XXYLT1: variants seen among roughly 807,000 people sequenced by gnomAD.
XXYLT1 encodes xyloside xylosyltransferase 1.
Under a neutral mutation model 28.9 loss-of-function variants are expected in XXYLT1, and 20 were observed. The observed-to-expected ratio is 0.69, with a 90% CI of 0.49 to 1.00. The LOEUF is 1.00. Among genes scored for constraint, XXYLT1 ranks in the 50% least tolerant of loss-of-function variants. The probability of loss-of-function intolerance (pLI) is 0.00; values close to 1 mark genes in which losing one functional copy is unlikely to be tolerated. For synonymous variants in XXYLT1, 257 were observed against 253.8 expected, an observed-to-expected ratio of 1.01 and a Z score of -0.12; for missense variants, 542 against 560.1, an observed-to-expected ratio of 0.97 and a Z score of 0.33.
At chr3:195,163,508 T>A (rs1197970181) in intron 2 of XXYLT1, among the ~76,000 whole-genome samples, 1 of 152,230 alleles carries the variant, frequency 6.6e-6, no homozygotes, top group South Asian at 2.1e-4. Context: ...CACATGGCAA[T>A]GACAATGATA....
At chr3:195,208,780 G>A (rs1194888529) in intron 2 of XXYLT1, among the ~76,000 whole-genome samples, 1 of 152,104 alleles carries the variant, frequency 6.6e-6, no homozygotes, top group African/African-American at 2.4e-5. Context: ...TCTCACGGGG[G>A]AGCGAGGTGA....
chr3:195,139,252 G>C (rs1719357797), intron 3 of XXYLT1, among the ~76,000 whole-genome samples: 1 of 152,206 alleles, frequency 6.6e-6, no homozygotes, highest in Admixed American at 6.5e-5. Flanking sequence ...CTTGGCTGCA[G>C]AGCTTGGAGC....
chr3:195,120,049 C>T (rs1199066947), intron 3 of XXYLT1, among the ~76,000 whole-genome samples: 4 of 152,208 alleles, frequency 2.6e-5, no homozygotes, highest in Non-Finnish European at 4.4e-5. Flanking sequence ...GATCAGATTC[C>T]ACTCAAAACT....
At chr3:195,224,813 C>G (rs895000567) in intron 2 of XXYLT1, among the ~76,000 whole-genome samples, 1 of 152,222 alleles carries the variant, frequency 6.6e-6, no homozygotes, top group Non-Finnish European at 1.5e-5. Flanking sequence ...ACTGCCGCAG[C>G]CCCTCATTTC....
At chr3:195,141,027 G>A (rs1719460856) in intron 3 of XXYLT1, among the ~76,000 whole-genome samples, 1 of 152,148 alleles carries the variant, frequency 6.6e-6, no homozygotes, top group Non-Finnish European at 1.5e-5. Flanking sequence ...CATCATAAGA[G>A]GATACAAGAC....
At chr3:195,143,857 TATATATAGATATAGATA>T (rs1719671180) in intron 3 of XXYLT1, among the ~76,000 whole-genome samples, 2 of 97,032 alleles carry the variant, frequency 2.1e-5, no homozygotes, top group Admixed American at 1.1e-4. Flanking sequence ...TATATATAGA[TATATATAGATATAGATA>T]TATATATATA....
At chr3:195,184,693 A>G in intron 2 of XXYLT1, 1 of 985,360 alleles carries the variant, frequency 1.0e-6, no homozygotes, top group East Asian at 1.1e-4. Context: ...TCCCCACCCC[A>G]CACACAGCCG....
rs1715244650 is a variant in XXYLT1 at position 195,078,384 on chromosome 3, G to A, written c.786-8273C>T. Reference sequence around the variant, plus strand: ...GCCCGTAGCGAGTCAGGCCATGGGGGCCTTTTCTGCTGTGGGAGCTCCTGC... The same window carrying A: ...GCCCGTAGCGAGTCAGGCCATGGGGACCTTTTCTGCTGTGGGAGCTCCTGC... On this transcript the variant is annotated intron_variant, in intron 3 of 3. Coordinates refer to ENST00000310380, the MANE Select transcript of XXYLT1 (RefSeq NM_152531.5). This position sits in a 1 kb window ranked among gnomAD's most constrained non-coding sequence, Gnocchi z 5.0. 6.6e-6 allele frequency among the ~76,000 whole-genome samples: 1 copy of A among 152,090 alleles called. No homozygotes were observed. The highest frequency in any genetic ancestry group is 1.9e-4 in the East Asian group (1 of 5,168).
At chr3:195,109,197 A>G (rs1309763521) in intron 3 of XXYLT1, among the ~76,000 whole-genome samples, 1 of 152,160 alleles carries the variant, frequency 6.6e-6, no homozygotes, top group Non-Finnish European at 1.5e-5. Context: ...CAGGAGCATC[A>G]TTTTATGAAG....
chr3:195,140,671 A>G (rs902351314), intron 3 of XXYLT1, among the ~76,000 whole-genome samples: 3 of 151,750 alleles, frequency 2.0e-5, no homozygotes, highest in Non-Finnish European at 2.9e-5. Context: ...GAGTGAGAAC[A>G]AAAGAGAGAG....
chr3:195,141,076 C>A (rs180833366), intron 3 of XXYLT1, among the ~76,000 whole-genome samples: 1 of 152,198 alleles, frequency 6.6e-6, no homozygotes, highest in Non-Finnish European at 1.5e-5. Context: ...TCACCACATA[C>A]CTGATCTGCC....
intron 3 of XXYLT1, among the ~76,000 whole-genome samples, chr3:195,088,336 C>A (rs1192435530): frequency 1.3e-5 from 2 of 149,084 alleles, no homozygotes; most frequent in African/African-American, 2.4e-5. Context: ...AGCTGGAGAT[C>A]TGAGAACGGG....
intron 2 of XXYLT1, chr3:195,175,989 A>T: frequency 5.5e-6 from 6 of 1,089,476 alleles, no homozygotes; most frequent in Non-Finnish European, 7.2e-6. Context: ...AGAGGTCATC[A>T]GTGTATACGT....
chr3:195,184,770 G>A, intron 2 of XXYLT1: 1 of 985,356 alleles, frequency 1.0e-6, no homozygotes, highest in Non-Finnish European at 1.2e-6. Flanking sequence ...AGGGAACTTA[G>A]CATTCTGAAA....
Position 195,240,438 on chromosome 3 carries a change from C to T in XXYLT1, c.505-13582G>A, listed in dbSNP as rs950719912. Reference sequence around the variant, plus strand: ...ACTCCCTGGGGACATAAACTCAGGCCAAGCCTTTAGCTCCATTTGGTGGAG... The same window carrying T: ...ACTCCCTGGGGACATAAACTCAGGCTAAGCCTTTAGCTCCATTTGGTGGAG... On this transcript the variant is annotated intron_variant, in intron 1 of 3. Coordinates refer to ENST00000310380, the MANE Select transcript of XXYLT1 (RefSeq NM_152531.5). This position sits in a 1 kb window ranked among gnomAD's most constrained non-coding sequence, Gnocchi z 4.7. Among the ~76,000 whole-genome samples, 1 of 152,254 alleles carries T rather than the reference C, an allele frequency of 6.6e-6. No homozygotes were observed. Among genetic ancestry groups the T allele is most frequent in the Admixed American group, 6.5e-5 (1 of 15,288 alleles).
At chr3:195,223,140 G>A (rs193008630) in intron 2 of XXYLT1, among the ~76,000 whole-genome samples, 37 of 152,222 alleles carry the variant, frequency 2.4e-4, no homozygotes, top group African/African-American at 8.7e-4. Context: ...GGCTGAGGCA[G>A]GAGAATTGCT....
At chr3:195,171,279 G>A (rs1721391526) in intron 2 of XXYLT1, among the ~76,000 whole-genome samples, 1 of 152,212 alleles carries the variant, frequency 6.6e-6, no homozygotes, top group Non-Finnish European at 1.5e-5. Flanking sequence ...CCCACAGGAG[G>A]GCAGGTTCTG....
chr3:195,220,174 C>T (rs1418566003), intron 2 of XXYLT1, among the ~76,000 whole-genome samples: 3 of 152,146 alleles, frequency 2.0e-5, no homozygotes, highest in African/African-American at 4.8e-5. Context: ...CACTCTATTA[C>T]ACTGTTACCC....
intron 1 of XXYLT1, among the ~76,000 whole-genome samples, chr3:195,236,869 A>AG (rs905845835): frequency 6.6e-6 from 1 of 152,070 alleles, no homozygotes; most frequent in Non-Finnish European, 1.5e-5. Flanking sequence ...CTTCTGGCCC[A>AG]GGGTGTCTAG....
Sources: allele counts gnomAD v4.1 joint callset (sites outside exome capture counted in the v4.1 genomes callset), GRCh38; gene constraint gnomAD v4.1.1; non-coding constraint Gnocchi (gnomAD v3.1); transcripts MANE v1.5; gene names NCBI Gene and HGNC (gene_info 2026-07-23, HGNC 2026-07-21).